Variants in POLR3E observed in about 807,000 individuals in gnomAD.
POLR3E encodes the protein RNA polymerase III subunit E.
A neutral mutation model predicts 96.6 loss-of-function variants in POLR3E; 41 were observed. The observed-to-expected ratio is 0.42, with a 90% CI of 0.33 to 0.55. POLR3E has a LOEUF of 0.55. POLR3E is among the 20% of genes least tolerant of loss of function. The pLI is 0.06. For synonymous variants in POLR3E, 396 were observed against 383.6 expected (o/e 1.03, Z -0.38); for missense variants, 849 against 952.1 (o/e 0.89, Z 1.43).
At chr16:22,311,950 A>G (rs933760265) in intron 6 of POLR3E, among the ~76,000 whole-genome samples, 1 of 152,118 alleles carries the variant, frequency 6.6e-6, no homozygotes, top group Non-Finnish European at 1.5e-5. Context: ...CTGTGAGTGC[A>G]CTCTGCGATG....
chr16:22,315,826 T>A (rs1405764225), intron 9 of POLR3E, among the ~76,000 whole-genome samples: 2 of 151,996 alleles, frequency 1.3e-5, no homozygotes, highest in Non-Finnish European at 1.5e-5. Context: ...CACCTGCTAA[T>A]TTTTTTGTTT....
rs1304225668 is a variant in POLR3E, at chr16:22,309,486, T to C, written c.340T>C (p.Tyr114His). Reference sequence around the variant, plus strand: ...CCAGACCACCAGTAACACATCCCGTTATGCCGCTGCACTCTACAGGCAAGG... The same window carrying C: ...CCAGACCACCAGTAACACATCCCGTCATGCCGCTGCACTCTACAGGCAAGG... ...SSQTTSNTSR[Y>H]AAALYRQGEL... is the part of the protein sequence containing the mutation. Residue 114 changes from tyrosine to histidine, a missense_variant, in exon 6 of 21, where the codon TAT (tyrosine) becomes CAT (histidine). Transcript: ENST00000299853. 6.2e-7 allele frequency: 1 copy of C among 1,613,746 alleles called. No homozygotes were observed. The highest frequency in any genetic ancestry group is 1.7e-5 in the Admixed American group (1 of 60,016).
In POLR3E at chr16:22,315,103, G is replaced by A. The variant is rs548893079; in HGVS notation, c.537G>A (p.Arg179=). Reference sequence around the variant, plus strand: ...TCCCACCGCAGGTGCGGTTCTCCCGGCCGGAGTCAGAGCAGGCCCGCCAGC... The same window carrying A: ...TCCCACCGCAGGTGCGGTTCTCCCGACCGGAGTCAGAGCAGGCCCGCCAGC... ...DVKQITVRFS[R]PESEQARQRR... Residue 179 remains arginine, a synonymous_variant, in exon 9 of 21, where the codon CGG becomes CGA. Transcript: ENST00000299853. 8 of 1,613,394 alleles carry A rather than the reference G, an allele frequency of 5.0e-6. No homozygotes were observed. The African/African-American group carries it at 8.0e-5, about 16-fold the overall frequency.
Position 22,313,022 on chromosome 16 carries a change from T to C in POLR3E, c.365-598T>C, listed in dbSNP as rs2048280988. Among the ~76,000 whole-genome samples, 1 of 152,054 alleles carries C rather than the reference T, an allele frequency of 6.6e-6. No homozygotes were observed. The highest frequency in any genetic ancestry group is 1.5e-5 in the Non-Finnish European group (1 of 68,024). On this transcript the variant is annotated intron_variant, in intron 6 of 20. Transcript: ENST00000299853. The surrounding 1 kb of genome is among the most constrained non-coding windows in gnomAD (Gnocchi z 4.1). ...ACTCGCGCGTTCTGTTTAGAACCCA[T>C]GTCTCAAGCATGTAATTCTTGAAAG...
At chr16:22,302,882 A>G in intron 1 of POLR3E, 49 bp from the exon 2 acceptor site, 1 of 1,263,476 alleles carries the variant, frequency 7.9e-7, no homozygotes, top group Non-Finnish European at 1.2e-6. Flanking sequence ...GGCACAAGGA[A>G]ATGTTGGTTG....
intron 12 of POLR3E, 115 bp downstream of exon 12, chr16:22,317,321 G>T: frequency 1.4e-6 from 1 of 735,268 alleles, no homozygotes; most frequent in African/African-American, 1.7e-5. Flanking sequence ...GCTGCCCACA[G>T]CCTGCCCAGC....
chr16:22,318,100 CTT>C lies in POLR3E; in HGVS notation c.866-714_866-713del, dbSNP rs140511134. ...CTTCCTTCCTGCAGAGGACTTCGAA[CTT>C]TTTTTTTTTTTGAGACAGTCTTGCT... On this transcript the variant is annotated intron_variant, in intron 12 of 20. Transcript: ENST00000299853. The surrounding 1 kb of genome is among the most constrained non-coding windows in gnomAD (Gnocchi z 5.0). Among the ~76,000 whole-genome samples the C allele has an allele frequency of 6.9e-6, 1 of 145,344 alleles. No individual in the cohort carries two copies. The highest frequency in any genetic ancestry group is 6.9e-5 in the Admixed American group (1 of 14,476).
chr16:22,317,638 T>G (rs574711969), intron 12 of POLR3E, among the ~76,000 whole-genome samples: 11 of 151,212 alleles, frequency 7.3e-5, no homozygotes, highest in African/African-American at 2.7e-4. Context: ...CTAGGGGCTT[T>G]TTGTTGTTGT....
chr16:22,326,008 C>T lies in POLR3E; in HGVS notation c.1596C>T (p.Asn532=), dbSNP rs773801631. ...GCGGCCTCCACAGCAAGCTGGCCAA[C>T]GGGCTGCCTCTCGGGCGGGCTGCGG... ...SPSGLHSKLA[N]GLPLGRAAGT... is the part of the protein sequence containing the mutation. Residue 532 remains asparagine (N), a synonymous_variant, in exon 18 of 21, where the codon AAC becomes AAT. Transcript: ENST00000299853. 7.5e-6 allele frequency: 12 copies of T among 1,596,478 alleles called. No individual in the cohort carries two copies. Among genetic ancestry groups the T allele is most frequent in the East Asian group, 2.3e-5 (1 of 44,382 alleles).
chr16:22,319,936 T>A (rs1023227834), intron 13 of POLR3E, among the ~76,000 whole-genome samples: 1 of 152,194 alleles, frequency 6.6e-6, no homozygotes, highest in African/African-American at 2.4e-5. Context: ...CCTGCCTACA[T>A]TGGATTTTTA....
At chr16:22,331,278 A>C (rs573497581) in intron 19 of POLR3E, among the ~76,000 whole-genome samples, 2 of 152,182 alleles carry the variant, frequency 1.3e-5, no homozygotes, top group South Asian at 4.1e-4. Context: ...TGCGCCCGGC[A>C]TGAAGCATCT....
intron 19 of POLR3E, chr16:22,331,685 C>T (rs1006713160): frequency 4.2e-5 from 7 of 165,098 alleles, no homozygotes; most frequent in African/African-American, 1.7e-4. Flanking sequence ...CTCCGTGCAG[C>T]TTAGATTGTC....
intron 1 of POLR3E, among the ~76,000 whole-genome samples, chr16:22,301,838 C>T (rs1368360277): frequency 6.6e-6 from 1 of 151,572 alleles, no homozygotes; most frequent in Admixed American, 6.6e-5. Context: ...AGGCAAGAAT[C>T]GCTTGAACCC....
At chr16:22,329,963 A>G (rs2048700906) in intron 19 of POLR3E, among the ~76,000 whole-genome samples, 1 of 152,064 alleles carries the variant, frequency 6.6e-6, no homozygotes, top group African/African-American at 2.4e-5. Flanking sequence ...AAAAAAAAAA[A>G]TCAGCCTGTC....
chr16:22,315,317 C>A, intron 9 of POLR3E, 109 bp downstream of exon 9: 2 of 1,195,018 alleles, frequency 1.7e-6, no homozygotes, highest in Non-Finnish European at 1.2e-6. Context: ...TGAGTCATAG[C>A]CACAGATAGA....
intron 6 of POLR3E, among the ~76,000 whole-genome samples, chr16:22,312,579 A>G (rs769414596): frequency 1.3e-5 from 2 of 151,988 alleles, no homozygotes; most frequent in Non-Finnish European, 2.9e-5. Context: ...AAAAAGTACA[A>G]GGCGCGGCCG....
chr16:22,317,937 G>A (rs539638317), intron 12 of POLR3E, among the ~76,000 whole-genome samples: 3 of 152,120 alleles, frequency 2.0e-5, no homozygotes, highest in East Asian at 1.9e-4. Flanking sequence ...TAGGGTACCC[G>A]TGGCTGGTGA....
intron 20 of POLR3E, among the ~76,000 whole-genome samples, chr16:22,333,051 C>T (rs192897155): frequency 3.4e-5 from 5 of 148,218 alleles, no homozygotes; most frequent in African/African-American, 1.2e-4. Flanking sequence ...CTCGGCTCAC[C>T]GCAACCTCTA....
chr16:22,309,347 T>C (rs1367863780), intron 5 of POLR3E, 81 bp from the exon 6 acceptor site: 2 of 1,071,060 alleles, frequency 1.9e-6, no homozygotes, highest in Non-Finnish European at 2.9e-6. Flanking sequence ...AGAAAGTGTC[T>C]AGGGGGTGGG....
Sources: allele counts gnomAD v4.1 joint callset (sites outside exome capture counted in the v4.1 genomes callset), GRCh38; gene constraint gnomAD v4.1.1; non-coding constraint Gnocchi (gnomAD v3.1); transcripts MANE v1.5; gene names NCBI Gene and HGNC (gene_info 2026-07-23, HGNC 2026-07-21).